NSDHL: variants seen among roughly 807,000 people sequenced by gnomAD.
NSDHL encodes the protein NAD(P) dependent 3-beta-hydroxysteroid dehydrogenase NSDHL, also known as sterol-4-alpha-carboxylate 3-dehydrogenase, decarboxylating.
NSDHL carries 1 observed loss-of-function variant against 23.0 expected under a neutral mutation model. The ratio of observed to expected loss-of-function variants is 0.04; its 90% CI spans 0.02 to 0.21. NSDHL has a LOEUF of 0.21. Ranked by LOEUF, NSDHL falls within the 10% of genes least tolerant of loss-of-function variation. The pLI is 1.00. For missense variants in NSDHL, 237 were observed against 300.9 expected (o/e 0.79, Z 1.57); for synonymous variants, 128 against 121.1 (o/e 1.06, Z -0.37).
At chrX:152,839,546 C>T (rs1556844624) in intron 1 of NSDHL, among the ~76,000 whole-genome samples, 1 of 111,981 alleles carries the variant, frequency 8.9e-6, no homozygotes, top group Non-Finnish European at 1.9e-5. Flanking sequence ...TTTATTTCTC[C>T]TTCACTTATG....
chrX:152,838,386 A>G (rs1435501370), intron 1 of NSDHL, among the ~76,000 whole-genome samples: 1 of 111,109 alleles, frequency 9.0e-6, no homozygotes, highest in African/African-American at 3.3e-5. Flanking sequence ...TTTAATTGTG[A>G]TGTTAGGGTG....
At chrX:152,840,594 C>T (rs1380867656) in intron 1 of NSDHL, among the ~76,000 whole-genome samples, 1 of 112,388 alleles carries the variant, frequency 8.9e-6, no homozygotes, top group African/African-American at 3.2e-5. Context: ...TTTGCTGGAG[C>T]TCCACTCCAA....
rs186384492 is a variant in NSDHL at position 152,840,775 on chromosome X, G to A, written c.-43-5507G>A. ...CTACATGAGGGTCAGGGACCCACTTGAGGAGCAGTCTGTCCTTTCTCAGAG... is the reference window on the plus strand; with the variant it reads ...CTACATGAGGGTCAGGGACCCACTTAAGGAGCAGTCTGTCCTTTCTCAGAG... On this transcript the variant is annotated intron_variant, in intron 1 of 7. Transcript: ENST00000370274. Among the ~76,000 whole-genome samples the A allele has an allele frequency of 3.1e-3, 347 of 112,796 alleles. 7 individuals are homozygous for A. Among genetic ancestry groups the A allele is most frequent in the African/African-American group, 0.011 (337 of 31,073 alleles).
At chrX:152,853,700 C>T (rs1432660662) in intron 3 of NSDHL, among the ~76,000 whole-genome samples, 1 of 112,392 alleles carries the variant, frequency 8.9e-6, no homozygotes, top group African/African-American at 3.2e-5. Flanking sequence ...GCCCCAGGCA[C>T]ACTGGCCACC....
At chrX:152,862,292 TATCTCTC>T (rs1164430183) in intron 4 of NSDHL, among the ~76,000 whole-genome samples, 3 of 112,378 alleles carry the variant, frequency 2.7e-5, no homozygotes, top group African/African-American at 9.7e-5. Flanking sequence ...AAGTCTATTC[TATCTCTC>T]AGGTGTGATG....
intron 6 of NSDHL, 41 bp downstream of exon 6, chrX:152,866,002 T>C: frequency 8.4e-7 from 1 of 1,195,755 alleles, no homozygotes; most frequent in Non-Finnish European, 1.1e-6. Flanking sequence ...TCCTTCCTGG[T>C]CCATGCTCGC....
intron 3 of NSDHL, among the ~76,000 whole-genome samples, chrX:152,853,128 C>CGTGTGTGTGTGT (rs35307183): frequency 0.014 from 1,359 of 97,122 alleles, 22 homozygotes; most frequent in African/African-American, 0.04. Context: ...CTCTCAGGCA[C>CGTGTGTGTGTGT]GTGTGTGTGT....
chrX:152,843,807 C>T (rs16996816), intron 1 of NSDHL, among the ~76,000 whole-genome samples: 8,678 of 112,532 alleles, frequency 0.077, 269 homozygotes, highest in South Asian at 0.13. Flanking sequence ...ATTCTTTCCA[C>T]CCAAGTTTGC....
In NSDHL at chrX:152,858,752, C is replaced by A. The variant is rs1439366628; in HGVS notation, c.268-18C>A. 3 of 1,205,760 alleles carry A rather than the reference C, an allele frequency of 2.5e-6. No individual in the cohort carries two copies. The East Asian group carries it at 8.9e-5, about 36-fold the overall frequency. On this transcript the variant is annotated intron_variant, in intron 3 of 7. Coordinates refer to ENST00000370274, the MANE Select transcript of NSDHL (RefSeq NM_015922.3). ...GTCAAAGCAGGAATGATTATTTTGTCTTTCTTTGCTTTTCCAGGATCTGTA... is the reference window on the plus strand; with the variant it reads ...GTCAAAGCAGGAATGATTATTTTGTATTTCTTTGCTTTTCCAGGATCTGTA...
In NSDHL at chrX:152,869,266, C is replaced by T. The variant is rs182657412; in HGVS notation, c.*150C>T. ...AGAGCGCACCCTACTCTTTCCGTGA[C>T]GATGAGGGCGGCAAAAACAGACATT... On this transcript the variant is annotated 3_prime_UTR_variant, in exon 8 of 8. Transcript: ENST00000370274. 331 of 521,447 alleles carry T rather than the reference C, an allele frequency of 6.3e-4. No homozygotes were observed. The highest frequency in any genetic ancestry group is 5.7e-3 in the African/African-American group (250 of 43,612). 43.0% of individuals were successfully genotyped at this position (521,447 alleles called of 1,213,427 possible).
At chrX:152,864,363 C>T (rs190334293) in intron 5 of NSDHL, among the ~76,000 whole-genome samples, 14 of 112,211 alleles carry the variant, frequency 1.2e-4, no homozygotes, top group African/African-American at 4.5e-4. Context: ...CTCATGTGCT[C>T]GAACTTGGCC....
intron 3 of NSDHL, among the ~76,000 whole-genome samples, chrX:152,854,229 C>T (rs1176171424): frequency 1.8e-5 from 2 of 110,583 alleles, no homozygotes; most frequent in Non-Finnish European, 3.8e-5. Flanking sequence ...CAGCCGCAAG[C>T]GTGGAGAAGG....
In NSDHL at chrX:152,833,274, G is replaced by A. The variant is rs781999552; in HGVS notation, c.-44+2157G>A. 8.3e-5 allele frequency among the ~76,000 whole-genome samples: 9 copies of A among 107,890 alleles called. 1 individual carries two copies. Among genetic ancestry groups the A allele is most frequent in the Non-Finnish European group, 1.5e-4 (8 of 52,131 alleles). 93.7% of individuals were successfully genotyped at this position (107,890 alleles called of 115,157 possible). A position where few individuals can be genotyped will look rare whatever the true frequency, so the allele number is the denominator to read the frequency against. On this transcript the variant is annotated intron_variant, in intron 1 of 7. Coordinates refer to ENST00000370274, the MANE Select transcript of NSDHL (RefSeq NM_015922.3). ...AAGTTATATGTGGATTTTTGACTTC[G>A]GGGCTCCGTGCCCCTAACCCCCACA...
At chrX:152,842,436 C>T (rs190784825) in intron 1 of NSDHL, among the ~76,000 whole-genome samples, 50 of 112,077 alleles carry the variant, frequency 4.5e-4, no homozygotes, top group African/African-American at 1.5e-3. Context: ...AAGGTGACAC[C>T]TCACTGTGGT....
chrX:152,831,182 G>A (rs1202711845), intron 1 of NSDHL, 65 bp downstream of exon 1: 1 of 296,291 alleles, frequency 3.4e-6, no homozygotes, highest in African/African-American at 2.8e-5. Flanking sequence ...GCGGGAGGGT[G>A]GGGAGCTACG....
chrX:152,868,701 G>C lies in NSDHL; in HGVS notation c.790-83G>C, dbSNP rs187234747. ...TGCAGCAATTAGGCAGTGAGAATGCGATCTGCACGGGCTTAATAGATGCTT... is the reference window on the plus strand; with the variant it reads ...TGCAGCAATTAGGCAGTGAGAATGCCATCTGCACGGGCTTAATAGATGCTT... On this transcript the variant is annotated intron_variant, in intron 7 of 7. Transcript: ENST00000370274. 4 of 825,356 alleles carry C rather than the reference G, an allele frequency of 4.8e-6. No individual in the cohort carries two copies. The East Asian group carries it at 1.2e-4, about 26-fold the overall frequency. 68.0% of individuals were successfully genotyped at this position (825,356 alleles called of 1,213,427 possible).
At chrX:152,866,355 A>G (rs1223885321) in intron 6 of NSDHL, among the ~76,000 whole-genome samples, 1 of 112,685 alleles carries the variant, frequency 8.9e-6, no homozygotes, top group African/African-American at 3.2e-5. Flanking sequence ...ATTGCACTGG[A>G]GGTTAAGTTT....
intron 5 of NSDHL, among the ~76,000 whole-genome samples, chrX:152,864,147 G>T (rs1202122634): frequency 8.9e-6 from 1 of 112,066 alleles, no homozygotes; most frequent in Non-Finnish European, 1.9e-5. Flanking sequence ...CTGACCTCAT[G>T]ATCTGCCCGC....
rs1933338968 is a variant in NSDHL at position 152,850,428 on chromosome X, T to C, written c.267+5T>C. The C allele has an allele frequency of 1.7e-6, 2 of 1,210,077 alleles. No homozygotes were observed. The highest frequency in any genetic ancestry group is 3.0e-5 in the East Asian group (1 of 33,860). On this transcript the variant is annotated splice_donor_5th_base_variant and intron_variant, in intron 3 of 7. Coordinates refer to ENST00000370274, the MANE Select transcript of NSDHL (RefSeq NM_015922.3). ...GGTGACCTCTGCAGCCGACAGGTAA[T>C]GGACCATGCAGCCTTGCTGATTTCC... is the stretch of plus-strand genomic sequence containing the variant.
Sources: gnomAD v4.1 joint callset for allele counts (sites outside exome capture counted in the v4.1 genomes callset) on GRCh38, gnomAD v4.1.1 for gene constraint, MANE v1.5 for transcripts, NCBI Gene and HGNC (gene_info 2026-07-23, HGNC 2026-07-21) for gene names.